GAGE13: variants seen among roughly 807,000 people sequenced by gnomAD.
The protein encoded by GAGE13 is G antigen 13, also known as G antigen 12A.
At chrX:49,335,158 T>G (rs1396927028) in intron 3 of GAGE13, among the ~76,000 whole-genome samples, 1 of 2,135 alleles carries the variant, frequency 4.7e-4, no homozygotes, top group Non-Finnish European at 8.5e-4. Context: ...CACACACACA[T>G]ACATACGGAT....
intron 1 of GAGE13, among the ~76,000 whole-genome samples, chrX:49,332,046 C>T: frequency 1.2e-5 from 1 of 80,561 alleles, no homozygotes; most frequent in South Asian, 6.5e-4. Context: ...AAGAAGGGGC[C>T]TGGCACCTGG....
intron 1 of GAGE13, among the ~76,000 whole-genome samples, chrX:49,332,406 C>T (rs2066467631): frequency 9.5e-6 from 1 of 105,426 alleles, no homozygotes; most frequent in Non-Finnish European, 2.0e-5. Context: ...ATCCCTTGAG[C>T]GGGAGGTCGA....
chrX:49,332,468 C>T (rs2066467990), intron 1 of GAGE13, among the ~76,000 whole-genome samples: 1 of 111,986 alleles, frequency 8.9e-6, no homozygotes, highest in Non-Finnish European at 1.9e-5. Flanking sequence ...AGCAACACAG[C>T]GAGACCGCGT....
At chrX:49,337,650 T>C (rs1218669319) in intron 4 of GAGE13, among the ~76,000 whole-genome samples, 2 of 58,905 alleles carry the variant, frequency 3.4e-5, no homozygotes, top group African/African-American at 1.1e-4. Flanking sequence ...CTTTTTTTTC[T>C]TTTATTTATT....
chrX:49,337,755 C>G (rs2066489281), intron 4 of GAGE13, among the ~76,000 whole-genome samples: 1 of 59,004 alleles, frequency 1.7e-5, no homozygotes, highest in Non-Finnish European at 3.7e-5. Flanking sequence ...ATGTGCCATG[C>G]TGGTGCGCTG....
chrX:49,332,209 G>A (rs2066466492), intron 1 of GAGE13, among the ~76,000 whole-genome samples: 5 of 80,367 alleles, frequency 6.2e-5, no homozygotes, highest in African/African-American at 1.7e-4. Context: ...CTTGTTGTGA[G>A]GGGGGGTGAA....
rs1238443765 is a variant in GAGE13, at chrX:49,337,713, G to A, written c.332-1123G>A. Among the ~76,000 whole-genome samples the A allele has an allele frequency of 4.7e-3, 284 of 60,712 alleles. 23 individuals are homozygous for A. Among genetic ancestry groups the A allele is most frequent in the Middle Eastern group, 0.019 (2 of 105 alleles). The allele number at this position is 60,712 out of a possible 115,157, so 52.7% of individuals were successfully genotyped here. On this transcript the variant is annotated intron_variant, in intron 4 of 4. Coordinates refer to ENST00000612958, the MANE Select transcript of GAGE13 (RefSeq NM_001098412.4). ...ATACTTTAAGTTTTAGGGTACATGT[G>A]CACGTTGTGCAGGTTAGTTACATAT... is the stretch of plus-strand genomic sequence containing the variant.
At chrX:49,335,533 G>A (rs2066482695) in intron 3 of GAGE13, among the ~76,000 whole-genome samples, 1 of 100,780 alleles carries the variant, frequency 9.9e-6, no homozygotes, top group Non-Finnish European at 2.1e-5. Flanking sequence ...CGTGTAGCTG[G>A]GACTACAGGC....
intron 3 of GAGE13, among the ~76,000 whole-genome samples, chrX:49,335,226 C>G (rs1243500703): frequency 9.4e-6 from 1 of 106,567 alleles, no homozygotes; most frequent in Admixed American, 1.0e-4. Flanking sequence ...TATTATGGTC[C>G]TTTACCCTAT....
chrX:49,335,065 C>A (rs1247343112), intron 3 of GAGE13, among the ~76,000 whole-genome samples: 75 of 80,159 alleles, frequency 9.4e-4, no homozygotes, highest in East Asian at 4.3e-3. Context: ...CTGGATTCAC[C>A]AATTGTTAAT....
chrX:49,335,393 T>A (rs1215085413), intron 3 of GAGE13, among the ~76,000 whole-genome samples: 1 of 111,286 alleles, frequency 9.0e-6, no homozygotes, highest in Admixed American at 9.5e-5. Flanking sequence ...GAAAATTTCT[T>A]TTTTCCTTTT....
At chrX:49,335,201 C>T (rs1453979459) in intron 3 of GAGE13, among the ~76,000 whole-genome samples, 1 of 107,556 alleles carries the variant, frequency 9.3e-6, no homozygotes, top group Non-Finnish European at 1.9e-5. Flanking sequence ...TGAATTGTCT[C>T]GATAAAGTTT....
chrX:49,335,137 TCACA>T (rs1373587490), intron 3 of GAGE13, among the ~76,000 whole-genome samples: 1 of 10,266 alleles, frequency 9.7e-5, no homozygotes, highest in Non-Finnish European at 2.5e-4. Flanking sequence ...GCCCACACAC[TCACA>T]CACACACACA....
chrX:49,332,072 G>C (rs1345027519), intron 1 of GAGE13, among the ~76,000 whole-genome samples: 3 of 80,545 alleles, frequency 3.7e-5, no homozygotes, highest in Non-Finnish European at 9.5e-5. Flanking sequence ...CTGCGGCCTG[G>C]TGAGCGCCCC....
At chrX:49,332,214 G>C (rs1248401280) in intron 1 of GAGE13, among the ~76,000 whole-genome samples, 2 of 80,464 alleles carry the variant, frequency 2.5e-5, no homozygotes, top group African/African-American at 6.8e-5. Flanking sequence ...TGTGAGGGGG[G>C]GTGAATGGCT....
At chrX:49,331,713 CG>C (rs1399170063) in intron 1 of GAGE13, 24 bp downstream of exon 1, 54 of 75,722 alleles carry the variant, frequency 7.1e-4, no homozygotes, top group Non-Finnish European at 1.8e-3. Context: ...CCAGTCATCC[CG>C]GGGGCTGAAG....
intron 3 of GAGE13, among the ~76,000 whole-genome samples, chrX:49,335,555 C>T (rs1245925556): frequency 9.7e-5 from 9 of 92,875 alleles, no homozygotes; most frequent in East Asian, 7.2e-4. Flanking sequence ...CCGGCCACTG[C>T]GGGCTTGAAC....
chrX:49,337,658 A>T (rs1259838814), intron 4 of GAGE13, among the ~76,000 whole-genome samples: 1 of 60,639 alleles, frequency 1.6e-5, no homozygotes, highest in Non-Finnish European at 3.9e-5. Flanking sequence ...TCTTTTATTT[A>T]TTTATTTATT....
rs1456424550 is a variant in GAGE13 at position 49,335,090 on chromosome X, C to A, written c.206-1157C>A. Among the ~76,000 whole-genome samples, 322 of 100,306 alleles carry A rather than the reference C, an allele frequency of 3.2e-3. 2 individuals are homozygous for A. The highest frequency in any genetic ancestry group is 6.5e-3 in the Admixed American group (60 of 9,166). 87.1% of individuals were successfully genotyped at this position (100,306 alleles called of 115,157 possible). On this transcript the variant is annotated intron_variant, in intron 3 of 4. Transcript: ENST00000612958. ...CAATTGTTAATAGCTTTCGCTTCAT[C>A]AGTTTCACATCTCTTCCCTCCGTCT...
Sources: gnomAD v4.1 joint callset for allele counts (sites outside exome capture counted in the v4.1 genomes callset) on GRCh38, gnomAD v4.1.1 for gene constraint, MANE v1.5 for transcripts, NCBI Gene and HGNC (gene_info 2026-07-23, HGNC 2026-07-21) for gene names.